Variants in RBPMS observed in about 807,000 individuals in gnomAD.
RBPMS encodes RNA binding protein, mRNA processing factor.
RBPMS carries 7 observed loss-of-function variants against 26.8 expected under a neutral mutation model. That is an observed-to-expected ratio of 0.26 (90% CI 0.15 to 0.49). The LOEUF is 0.49. RBPMS is among the 20% of genes least tolerant of loss of function. RBPMS has a pLI of 0.98. For missense variants in RBPMS, 186 were observed against 250.0 expected, an observed-to-expected ratio of 0.74 and a Z score of 1.73; for synonymous variants, 96 against 93.3, an observed-to-expected ratio of 1.03 and a Z score of -0.17.
chr8:30,409,955 A>G (rs1475740567), intron 1 of RBPMS, among the ~76,000 whole-genome samples: 1 of 152,082 alleles, frequency 6.6e-6, no homozygotes, highest in Non-Finnish European at 1.5e-5. Flanking sequence ...TTATGTGTCT[A>G]CGTGTATTCA....
intron 1 of RBPMS, among the ~76,000 whole-genome samples, chr8:30,462,870 G>A: frequency 6.6e-6 from 1 of 152,144 alleles, no homozygotes; most frequent in East Asian, 1.9e-4. Context: ...GTGGGGTGCT[G>A]GCCAGAGTGA....
At chr8:30,564,732 C>T (rs1455000895) in intron 7 of RBPMS, 4 of 152,336 alleles carry the variant, frequency 2.6e-5, no homozygotes, top group Admixed American at 6.5e-5. Flanking sequence ...AGAGGGTAGC[C>T]ACGTGTTCAG....
At chr8:30,440,564 T>A (rs1435304875) in intron 1 of RBPMS, among the ~76,000 whole-genome samples, 2 of 152,190 alleles carry the variant, frequency 1.3e-5, no homozygotes, top group Non-Finnish European at 2.9e-5. Context: ...CATCCTTCTG[T>A]CAAATGGATG....
intron 4 of RBPMS, among the ~76,000 whole-genome samples, chr8:30,489,127 G>C (rs1585635995): frequency 6.6e-6 from 1 of 150,500 alleles, no homozygotes; most frequent in South Asian, 2.1e-4. Context: ...ACTCACTACA[G>C]CCTCGACATC....
chr8:30,408,166 A>AC (rs1045218548), intron 1 of RBPMS, among the ~76,000 whole-genome samples: 39 of 151,936 alleles, frequency 2.6e-4, no homozygotes, highest in Admixed American at 8.5e-4. Context: ...CTTAAGTTAG[A>AC]CCCCCAGAAC....
intron 5 of RBPMS, among the ~76,000 whole-genome samples, chr8:30,532,648 C>T (rs758218237): frequency 2.6e-4 from 39 of 152,158 alleles, no homozygotes; most frequent in Non-Finnish European, 5.1e-4. Flanking sequence ...CACCACCATA[C>T]GCATACATTC....
intron 5 of RBPMS, among the ~76,000 whole-genome samples, chr8:30,520,108 T>C (rs1410895506): frequency 6.6e-6 from 1 of 152,206 alleles, no homozygotes; most frequent in Non-Finnish European, 1.5e-5. Flanking sequence ...AAGCCTACAT[T>C]GTAAGGTCCC....
intron 1 of RBPMS, among the ~76,000 whole-genome samples, chr8:30,439,038 A>C (rs1398078721): frequency 6.6e-6 from 1 of 152,188 alleles, no homozygotes; most frequent in Non-Finnish European, 1.5e-5. Flanking sequence ...TGGCCTCCCA[A>C]AGTACTGAAA....
chr8:30,556,598 C>T, intron 6 of RBPMS: 2 of 986,512 alleles, frequency 2.0e-6, no homozygotes, highest in South Asian at 4.7e-5. Flanking sequence ...ACCAGTCACA[C>T]CACTGCGCTC....
chr8:30,415,659 C>T (rs1049344913), intron 1 of RBPMS, among the ~76,000 whole-genome samples: 2 of 152,080 alleles, frequency 1.3e-5, no homozygotes, highest in African/African-American at 4.8e-5. Flanking sequence ...CAAGACAGAC[C>T]TGGGAGTATA....
intron 5 of RBPMS, among the ~76,000 whole-genome samples, chr8:30,517,731 C>G (rs1410055642): frequency 6.6e-6 from 1 of 152,162 alleles, no homozygotes; most frequent in East Asian, 1.9e-4. Context: ...AGCAAGTGTT[C>G]AGTTGAAGTT....
intron 1 of RBPMS, among the ~76,000 whole-genome samples, chr8:30,411,681 A>AAAAAAAAAAAAAG (rs1554507355): frequency 7.8e-6 from 1 of 127,956 alleles, no homozygotes; most frequent in Non-Finnish European, 1.6e-5. Flanking sequence ...AAAAAAAAAA[A>AAAAAAAAAAAAAG]AAAGAAAAAG....
chr8:30,500,790 C>G (rs1820479567), intron 4 of RBPMS, among the ~76,000 whole-genome samples: 2 of 152,150 alleles, frequency 1.3e-5, no homozygotes, highest in Admixed American at 1.3e-4. Context: ...GGAATAAGGG[C>G]ACAGAACACA....
intron 5 of RBPMS, among the ~76,000 whole-genome samples, chr8:30,517,233 T>TGC (rs1248674311): frequency 7.6e-5 from 11 of 144,240 alleles, no homozygotes; most frequent in Non-Finnish European, 1.2e-4. Flanking sequence ...TGTGTGTGTG[T>TGC]GTGTGAAATA....
At chr8:30,410,431 A>T (rs1809225571) in intron 1 of RBPMS, among the ~76,000 whole-genome samples, 1 of 151,782 alleles carries the variant, frequency 6.6e-6, no homozygotes, top group African/African-American at 2.4e-5. Context: ...GATGGTCTTG[A>T]TCTCCTGACC....
At position 30,477,647 on chromosome 8, in the gene RBPMS, A is replaced by G. The variant is rs28580159; in HGVS notation, c.145-152A>G. The G allele has an allele frequency of 6.3e-3, 3,569 of 570,762 alleles. 128 individuals carry two copies. In the African/African-American group the frequency reaches 0.066, roughly 11 times the overall value. 35.4% of individuals were successfully genotyped at this position (570,762 alleles called of 1,614,324 possible). On this transcript the variant is annotated intron_variant, in intron 2 of 8. Transcript: ENST00000397323. ...AACAGGTGTGTGTGTGTGTGTGCACATGCACATGCATGTGTGTAATTTGCT... is the reference window on the plus strand; with the variant it reads ...AACAGGTGTGTGTGTGTGTGTGCACGTGCACATGCATGTGTGTAATTTGCT...
At chr8:30,556,446 T>C in intron 6 of RBPMS, 2 of 985,750 alleles carry the variant, frequency 2.0e-6, no homozygotes, top group Non-Finnish European at 2.4e-6. Flanking sequence ...CTTCTCGCAG[T>C]CACCTGCACC....
chr8:30,415,854 CATACTG>C (rs1442107400), intron 1 of RBPMS, among the ~76,000 whole-genome samples: 1 of 152,214 alleles, frequency 6.6e-6, no homozygotes, highest in African/African-American at 2.4e-5. Flanking sequence ...GAAGAAAAGA[CATACTG>C]ATGTCTTCAT....
At position 30,452,136 on chromosome 8, in the gene RBPMS, A is replaced by G. The variant is rs187574810; in HGVS notation, c.67-22643A>G. 4.7e-4 allele frequency among the ~76,000 whole-genome samples: 71 copies of G among 152,308 alleles called. 1 individual carries two copies. Among genetic ancestry groups the G allele is most frequent in the African/African-American group, 1.6e-3 (67 of 41,562 alleles). The stretch of plus-strand genomic sequence containing the variant: ...TGAGAGATCATCAGTACAGGTTCTA[A>G]GGCCAAACAGGTTGTAAGAAGAAGG... On this transcript the variant is annotated intron_variant, in intron 1 of 8. Coordinates refer to ENST00000397323, the MANE Select transcript of RBPMS (RefSeq NM_001008710.3).
Sources: gnomAD v4.1 joint callset for allele counts (sites outside exome capture counted in the v4.1 genomes callset) on GRCh38, gnomAD v4.1.1 for gene constraint, MANE v1.5 for transcripts, NCBI Gene and HGNC (gene_info 2026-07-23, HGNC 2026-07-21) for gene names.